HMCN1: variants seen among roughly 807,000 people sequenced by gnomAD.
HMCN1 encodes hemicentin 1.
Under a neutral mutation model 625.9 loss-of-function variants are expected in HMCN1, and 321 were observed. The observed-to-expected ratio is 0.51, with a 90% CI of 0.47 to 0.56. HMCN1 has a LOEUF of 0.56. Ranked by LOEUF, HMCN1 falls within the 20% of genes least tolerant of loss-of-function variation. The pLI is 0.00. For missense variants in HMCN1, 6,588 were observed against 6,887.3 expected, an observed-to-expected ratio of 0.96 and a Z score of 1.54; for synonymous variants, 2,425 against 2,417.6, an observed-to-expected ratio of 1.00 and a Z score of -0.09.
intron 30 of HMCN1, among the ~76,000 whole-genome samples, chr1:186,012,729 A>G (rs941406503): frequency 6.6e-6 from 1 of 152,150 alleles, no homozygotes; most frequent in African/African-American, 2.4e-5. Flanking sequence ...GTTTGGTTGT[A>G]GCCTTATTTT....
intron 6 of HMCN1, 73 bp downstream of exon 6, chr1:185,911,853 G>A: frequency 8.8e-7 from 1 of 1,139,422 alleles, no homozygotes; most frequent in Non-Finnish European, 1.3e-6. Flanking sequence ...ATACACAATG[G>A]TTTTTTTAAA....
At chr1:185,841,610 TG>T (rs1473217797) in intron 1 of HMCN1, among the ~76,000 whole-genome samples, 5 of 152,214 alleles carry the variant, frequency 3.3e-5, no homozygotes, top group Admixed American at 3.3e-4. Flanking sequence ...AATCTGAATG[TG>T]TACTGAGGCA....
At chr1:185,753,057 AT>A (rs1553233971) in intron 1 of HMCN1, among the ~76,000 whole-genome samples, 1 of 152,136 alleles carries the variant, frequency 6.6e-6, no homozygotes, top group Non-Finnish European at 1.5e-5. Context: ...TTACTAGTAG[AT>A]AAAGAAAAAA....
rs1300350078 is a variant in HMCN1, at chr1:186,023,272, A to AT, written c.5749+120dup. 4 of 858,546 alleles carry AT rather than the reference A, an allele frequency of 4.7e-6. No individual in the cohort carries two copies. In the East Asian group the frequency reaches 1.1e-4, roughly 24 times the overall value. 53.2% of individuals were successfully genotyped at this position (858,546 alleles called of 1,614,324 possible). On this transcript the variant is annotated intron_variant, in intron 36 of 106. Transcript: ENST00000271588. ...ACAGGTGTTTATTTTCTTAGTCTGT[A>AT]TAAAAAAAACCTAGGGTTTTTTTTT...
At chr1:185,938,224 C>G (rs181338423) in intron 11 of HMCN1, among the ~76,000 whole-genome samples, 20 of 152,136 alleles carry the variant, frequency 1.3e-4, no homozygotes, top group African/African-American at 4.8e-4. Flanking sequence ...GAAAACTGTT[C>G]TAGGGAGAAA....
intron 45 of HMCN1, among the ~76,000 whole-genome samples, chr1:186,056,663 A>G (rs1469782886): frequency 6.6e-6 from 1 of 151,988 alleles, no homozygotes; most frequent in Non-Finnish European, 1.5e-5. Context: ...CAGATGCCTC[A>G]TGTTCTCACT....
At chr1:185,977,727 A>G (rs1402060718) in intron 15 of HMCN1, 60 bp from the exon 16 acceptor site, 2 of 1,009,986 alleles carry the variant, frequency 2.0e-6, no homozygotes, top group Admixed American at 1.7e-5. Context: ...ATTTAAGTTT[A>G]TGTTTAATAT....
At chr1:185,806,842 C>T (rs1199307894) in intron 1 of HMCN1, among the ~76,000 whole-genome samples, 1 of 151,990 alleles carries the variant, frequency 6.6e-6, no homozygotes, top group Non-Finnish European at 1.5e-5. Flanking sequence ...TTTAGTGTGG[C>T]TTAATGTAGG....
intron 105 of HMCN1, among the ~76,000 whole-genome samples, chr1:186,183,338 A>G (rs1466835259): frequency 6.6e-6 from 1 of 152,172 alleles, no homozygotes; most frequent in Non-Finnish European, 1.5e-5. Flanking sequence ...AGTTACTGTG[A>G]ACACTGCCAC....
rs376849861 is a variant in HMCN1 at position 186,069,662 on chromosome 1, G to A, written c.7880-1G>A. The A allele has an allele frequency of 6.2e-7, 1 of 1,604,446 alleles. No individual in the cohort carries two copies. The highest frequency in any genetic ancestry group is 1.3e-5 in the African/African-American group (1 of 74,862). On this transcript the variant is annotated splice_acceptor_variant, in intron 50 of 106. Coordinates refer to ENST00000271588, the MANE Select transcript of HMCN1 (RefSeq NM_031935.3). LOFTEE classifies it high-confidence loss of function. ...CTCTTTGATGTCCCATGATTTTACAGGAGGCAGAACTCTGCAGATCCTCAA... is the reference window on the plus strand; with the variant it reads ...CTCTTTGATGTCCCATGATTTTACAAGAGGCAGAACTCTGCAGATCCTCAA...
At chr1:185,890,012 T>C (rs1405572549) in intron 4 of HMCN1, among the ~76,000 whole-genome samples, 1 of 150,990 alleles carries the variant, frequency 6.6e-6, no homozygotes, top group East Asian at 1.9e-4. Flanking sequence ...TATTCAGAGA[T>C]TCAACTTCTT....
chr1:186,163,001 C>T (rs1651615466), intron 97 of HMCN1, among the ~76,000 whole-genome samples: 1 of 152,218 alleles, frequency 6.6e-6, no homozygotes, highest in African/African-American at 2.4e-5. Context: ...CTGTGCCCTG[C>T]CCCCAGAGGT....
At chr1:186,118,302 TAA>T (rs1661231719) in intron 77 of HMCN1, among the ~76,000 whole-genome samples, 2 of 152,190 alleles carry the variant, frequency 1.3e-5, no homozygotes, top group Admixed American at 1.3e-4. Context: ...CATATTATTC[TAA>T]GAGAATTTGT....
In HMCN1 at chr1:186,120,112, A is replaced by G. The variant is rs951869455; in HGVS notation, c.12196A>G (p.Thr4066Ala). ...YMCVAQNPAG[T>A]ALGKIKLNVQ... The stretch of plus-strand genomic sequence containing the variant: ...GTGTGTGGCCCAGAACCCGGCTGGT[A>G]CAGCCTTGGGCAAAATCAAGTTAAA... The change falls in exon 80 of 107, where the codon ACA (threonine) becomes GCA (alanine). Residue 4066 changes from threonine to alanine, a missense_variant. Physicochemically the swap from Thr to Ala is moderately conservative, Grantham distance 58 (BLOSUM62 0). Around this residue, in one of 3 missense-constraint regions of HMCN1, gnomAD observed 1,954 missense variants for 2,013.1 expected, o/e 0.97. Transcript: ENST00000271588. 1 of 1,614,016 alleles carries G rather than the reference A, an allele frequency of 6.2e-7. No individual in the cohort carries two copies.
intron 1 of HMCN1, among the ~76,000 whole-genome samples, chr1:185,752,995 G>T: frequency 6.6e-6 from 1 of 151,916 alleles, no homozygotes; most frequent in East Asian, 1.9e-4. Context: ...TGACCAGGTT[G>T]TTTTTATCCC....
At chr1:186,111,475 C>T (rs78613953) in intron 71 of HMCN1, among the ~76,000 whole-genome samples, 1,979 of 151,856 alleles carry the variant, frequency 0.013, 17 homozygotes, top group Middle Eastern at 0.037. Context: ...AGAGCAAGAC[C>T]CCACCTGAAT....
rs1271963928 is a variant in HMCN1 at position 185,734,856 on chromosome 1, C to T, written c.77C>T (p.Pro26Leu). 5 of 1,614,024 alleles carry T rather than the reference C, an allele frequency of 3.1e-6. No homozygotes were observed. Among genetic ancestry groups the T allele is most frequent in the South Asian group, 1.1e-5 (1 of 91,072 alleles). Residue 26 changes from proline (P) to leucine (L), a missense_variant, in exon 1 of 107, where the codon CCC (proline) becomes CTC (leucine). Coordinates refer to ENST00000271588, the MANE Select transcript of HMCN1 (RefSeq NM_031935.3). ...LYSSLAQDAS[P>L]QSEIRAEEIP... ...TCTTCCCTAGCTCAAGATGCGAGCC[C>T]CCAGTCAGAGATCAGAGCTGAGGAA...
intron 4 of HMCN1, among the ~76,000 whole-genome samples, chr1:185,870,418 C>T (rs1303963368): frequency 1.3e-5 from 2 of 152,148 alleles, no homozygotes; most frequent in Non-Finnish European, 2.9e-5. Flanking sequence ...ATTCGCTTGT[C>T]CTGAGCTTCC....
At chr1:185,821,335 A>G (rs997641630) in intron 1 of HMCN1, among the ~76,000 whole-genome samples, 1 of 152,122 alleles carries the variant, frequency 6.6e-6, no homozygotes, top group African/African-American at 2.4e-5. Context: ...GAATAATTAT[A>G]TGTCATTAGT....
Sources: allele counts gnomAD v4.1 joint callset (sites outside exome capture counted in the v4.1 genomes callset), GRCh38; gene constraint gnomAD v4.1.1; regional missense constraint gnomAD v4.1.1; transcripts MANE v1.5; gene names NCBI Gene and HGNC (gene_info 2026-07-23, HGNC 2026-07-21).